Variants in FTO observed in about 807,000 individuals in gnomAD.
FTO encodes the protein alpha-ketoglutarate-dependent dioxygenase FTO.
A neutral mutation model predicts 63.9 loss-of-function variants in FTO; 47 were observed. The ratio of observed to expected loss-of-function variants is 0.74; its 90% CI spans 0.58 to 0.94. The LOEUF (loss-of-function observed/expected upper bound fraction) is 0.94. Ranked by LOEUF, FTO falls within the 40% of genes least tolerant of loss-of-function variation. FTO has a pLI of 0.00. For missense variants in FTO, 562 were observed against 618.1 expected (o/e 0.91, Z 0.96); for synonymous variants, 207 against 224.4 (o/e 0.92, Z 0.69).
intron 7 of FTO, among the ~76,000 whole-genome samples, chr16:53,896,439 G>A (rs766194684): frequency 6.6e-5 from 10 of 151,732 alleles, no homozygotes; most frequent in East Asian, 1.9e-4. Context: ...ATGAAGTAGT[G>A]TACAAAATAA....
intron 2 of FTO, among the ~76,000 whole-genome samples, chr16:53,817,528 T>C (rs1218165362): frequency 6.6e-6 from 1 of 152,202 alleles, no homozygotes; most frequent in Non-Finnish European, 1.5e-5. Flanking sequence ...CAGAATATTC[T>C]AGTACTTCTA....
chr16:53,815,633 C>CTTTTTTTTT (rs2078653863), intron 2 of FTO, among the ~76,000 whole-genome samples: 4 of 80,144 alleles, frequency 5.0e-5, no homozygotes, highest in African/African-American at 2.5e-4. Flanking sequence ...CATTGACTTT[C>CTTTTTTTTT]TTGTTTTTTT....
rs1217207612 is a variant in FTO, at chr16:54,111,960, T to C, written c.*45T>C. ...CGGAGGAGAAAAAGAGATCGGCTTT[T>C]CTCCTCCAACGTTGTCATGGGCTTA... On this transcript the variant is annotated 3_prime_UTR_variant, in exon 9 of 9. Coordinates refer to ENST00000471389, the MANE Select transcript of FTO (RefSeq NM_001080432.3). The C allele has an allele frequency of 9.9e-6, 16 of 1,610,416 alleles. No individual in the cohort carries two copies. In the Admixed American group the frequency reaches 2.5e-4, roughly 25 times the overall value.
At chr16:53,907,753 G>A (rs539674938) in intron 7 of FTO, among the ~76,000 whole-genome samples, 10 of 151,972 alleles carry the variant, frequency 6.6e-5, no homozygotes, top group African/African-American at 1.7e-4. Context: ...CTTTGCACAC[G>A]TCATTTGTTC....
chr16:53,745,293 A>G (rs1042706339), intron 1 of FTO, among the ~76,000 whole-genome samples: 1 of 152,170 alleles, frequency 6.6e-6, no homozygotes, highest in Non-Finnish European at 1.5e-5. Flanking sequence ...ATGAGTTATT[A>G]TTGGGCTATT....
intron 6 of FTO, among the ~76,000 whole-genome samples, chr16:53,886,006 T>C (rs1302025552): frequency 6.6e-6 from 1 of 152,204 alleles, no homozygotes; most frequent in Non-Finnish European, 1.5e-5. Context: ...TCTCCTGCCA[T>C]GGCCTCTTAA....
chr16:53,861,013 A>G (rs907120670), intron 4 of FTO, among the ~76,000 whole-genome samples: 26 of 152,200 alleles, frequency 1.7e-4, no homozygotes, highest in Non-Finnish European at 4.4e-5. Flanking sequence ...TACATTGTAG[A>G]TATATAAAAT....
intron 4 of FTO, among the ~76,000 whole-genome samples, chr16:53,849,168 C>A (rs1252435965): frequency 6.6e-6 from 1 of 152,190 alleles, no homozygotes; most frequent in African/African-American, 2.4e-5. Context: ...CCCAGACTCA[C>A]CGCATTGTCA....
In FTO at chr16:54,112,083, T is replaced by G. The variant is rs777072074; in HGVS notation, c.*168T>G. ...ATGGTGCCCATGAAGTTTTAAATGTTTTAAAATGACCCTGTGTTATAGTCT... is the reference window on the plus strand; with the variant it reads ...ATGGTGCCCATGAAGTTTTAAATGTGTTAAAATGACCCTGTGTTATAGTCT... On this transcript the variant is annotated 3_prime_UTR_variant, in exon 9 of 9. Coordinates refer to ENST00000471389, the MANE Select transcript of FTO (RefSeq NM_001080432.3). 1.9e-4 allele frequency: 133 copies of G among 701,768 alleles called. No homozygotes were observed. The Admixed American group carries it at 3.0e-3, about 16-fold the overall frequency. 43.5% of individuals were successfully genotyped at this position (701,768 alleles called of 1,614,324 possible).
chr16:53,898,048 C>T (rs190187236), intron 7 of FTO, among the ~76,000 whole-genome samples: 110 of 152,278 alleles, frequency 7.2e-4, no homozygotes, highest in Non-Finnish European at 1.2e-3. Context: ...CTTCTACTAC[C>T]CTATGTCCAT....
At chr16:53,985,238 T>C (rs1262991792) in intron 8 of FTO, among the ~76,000 whole-genome samples, 1 of 152,230 alleles carries the variant, frequency 6.6e-6, no homozygotes, top group East Asian at 1.9e-4. Context: ...CTCAACACAC[T>C]GTGAAACTTA....
At chr16:54,088,880 A>G (rs2144544875) in intron 8 of FTO, among the ~76,000 whole-genome samples, 1 of 152,362 alleles carries the variant, frequency 6.6e-6, no homozygotes, top group Admixed American at 6.5e-5. Context: ...CACCCACGTT[A>G]TAAAGAGTTG....
At chr16:53,716,594 GTTA>G (rs557404825) in intron 1 of FTO, among the ~76,000 whole-genome samples, 212 of 151,840 alleles carry the variant, frequency 1.4e-3, no homozygotes, top group African/African-American at 4.7e-3. Flanking sequence ...GCTATATAAG[GTTA>G]TTATTATTAT....
intron 8 of FTO, among the ~76,000 whole-genome samples, chr16:54,082,843 G>A (rs1245887749): frequency 1.3e-5 from 2 of 152,164 alleles, no homozygotes; most frequent in African/African-American, 4.8e-5. Context: ...AACTTCCTGA[G>A]AAGAGAAAAG....
At chr16:54,073,159 C>G (rs1362467954) in intron 8 of FTO, among the ~76,000 whole-genome samples, 1 of 152,096 alleles carries the variant, frequency 6.6e-6, no homozygotes, top group East Asian at 1.9e-4. Flanking sequence ...TGTTGCGTCC[C>G]TATTCAAGCA....
At chr16:53,828,126 A>G (rs940672932) in intron 3 of FTO, among the ~76,000 whole-genome samples, 11 of 152,256 alleles carry the variant, frequency 7.2e-5, no homozygotes, top group African/African-American at 2.4e-4. Flanking sequence ...ATACAAATAT[A>G]AATTACATAT....
At chr16:53,856,749 CA>C (rs113902497) in intron 4 of FTO, among the ~76,000 whole-genome samples, 20 of 139,042 alleles carry the variant, frequency 1.4e-4, no homozygotes, top group Admixed American at 1.4e-4. Context: ...GACTCCATCT[CA>C]AAAAAAAAAA....
chr16:53,725,167 A>T lies in FTO; in HGVS notation c.45+20938A>T, dbSNP rs557395020. ...GGTGTCTGAAGGAGAACTTTCTTTT[A>T]TCTTTCCTGTATTAGTTCACGTTAT... is the stretch of plus-strand genomic sequence containing the variant. On this transcript the variant is annotated intron_variant, in intron 1 of 8. Transcript: ENST00000471389. Among the ~76,000 whole-genome samples the T allele has an allele frequency of 2.6e-5, 4 of 152,210 alleles. No individual in the cohort carries two copies. In the East Asian group the frequency reaches 7.7e-4, roughly 29 times the overall value.
intron 8 of FTO, among the ~76,000 whole-genome samples, chr16:54,020,910 G>A (rs1248175019): frequency 1.3e-5 from 2 of 152,194 alleles, no homozygotes; most frequent in Non-Finnish European, 2.9e-5. Context: ...GACAGAGGTT[G>A]CAGTGAGTCA....
Sources: gnomAD v4.1 joint callset for allele counts (sites outside exome capture counted in the v4.1 genomes callset) on GRCh38, gnomAD v4.1.1 for gene constraint, MANE v1.5 for transcripts, NCBI Gene and HGNC (gene_info 2026-07-23, HGNC 2026-07-21) for gene names.